ELMO1: variants seen among roughly 807,000 people sequenced by gnomAD.
ELMO1 encodes the protein engulfment and cell motility protein 1.
Under a neutral mutation model 98.9 loss-of-function variants are expected in ELMO1, and 26 were observed. The ratio of observed to expected loss-of-function variants is 0.26; its 90% CI spans 0.19 to 0.36. The LOEUF (loss-of-function observed/expected upper bound fraction) is 0.36, where lower values mean the gene tolerates loss of function less well. Ranked by LOEUF, ELMO1 falls within the 10% of genes least tolerant of loss-of-function variation. The pLI is 1.00. For missense variants in ELMO1, 627 were observed against 935.2 expected (o/e 0.67, Z 4.30); for synonymous variants, 346 against 346.0 (o/e 1.00, Z 0.00).
intron 13 of ELMO1, among the ~76,000 whole-genome samples, chr7:37,195,586 T>C (rs6462738): frequency 0.2 from 29,920 of 152,250 alleles, 3,261 homozygotes; most frequent in Middle Eastern, 0.28. Context: ...CGGGGCTCCC[T>C]GCACTGAGCA....
At chr7:37,309,444 T>G (rs953031283) in intron 4 of ELMO1, among the ~76,000 whole-genome samples, 2 of 152,218 alleles carry the variant, frequency 1.3e-5, no homozygotes, top group Non-Finnish European at 2.9e-5. Flanking sequence ...AGGAACATTT[T>G]TCTCCACCCA....
chr7:37,355,084 C>T (rs1012595845), intron 1 of ELMO1, among the ~76,000 whole-genome samples: 2 of 152,166 alleles, frequency 1.3e-5, no homozygotes, highest in African/African-American at 2.4e-5. Flanking sequence ...TACCATTAGG[C>T]TCTTTCTCCC....
intron 2 of ELMO1, among the ~76,000 whole-genome samples, chr7:37,339,545 T>C: frequency 6.6e-6 from 1 of 152,236 alleles, no homozygotes; most frequent in East Asian, 1.9e-4. Context: ...TGATCTTTAC[T>C]GAACAAGGTA....
intron 19 of ELMO1, among the ~76,000 whole-genome samples, chr7:36,877,003 G>A (rs1804038266): frequency 6.6e-6 from 1 of 152,218 alleles, no homozygotes; most frequent in South Asian, 2.1e-4. Flanking sequence ...ATCTGCCTGA[G>A]ATGTCAGCGC....
intron 17 of ELMO1, among the ~76,000 whole-genome samples, chr7:36,893,513 T>C (rs1805734311): frequency 6.6e-6 from 1 of 152,230 alleles, no homozygotes; most frequent in Non-Finnish European, 1.5e-5. Context: ...TGCCAACTAG[T>C]CTGAAGGGTT....
chr7:37,016,854 G>A (rs534789115), intron 15 of ELMO1, among the ~76,000 whole-genome samples: 2 of 152,332 alleles, frequency 1.3e-5, no homozygotes, highest in South Asian at 4.1e-4. Flanking sequence ...GGTGGTGCTA[G>A]AATTCAAGGT....
intron 2 of ELMO1, among the ~76,000 whole-genome samples, chr7:37,341,246 G>A (rs149326338): frequency 2.1e-3 from 321 of 152,324 alleles, no homozygotes; most frequent in African/African-American, 7.3e-3. Context: ...CTCTCTACAC[G>A]TGTGTGAGAC....
rs575176958 is a variant in ELMO1, at chr7:37,152,950, G to A, written c.1087-19716C>T. Among the ~76,000 whole-genome samples the A allele has an allele frequency of 3.3e-5, 5 of 152,286 alleles. No homozygotes were observed. In the East Asian group the frequency reaches 5.8e-4, roughly 18 times the overall value. On this transcript the variant is annotated intron_variant, in intron 13 of 21. Transcript: ENST00000310758. Reference sequence around the variant, plus strand: ...AGTTATCTCTGCATATGTCTCCAAGGGGTATCTGCCGGAGCGGACACCTAT... The same window carrying A: ...AGTTATCTCTGCATATGTCTCCAAGAGGTATCTGCCGGAGCGGACACCTAT...
At chr7:36,991,416 C>T (rs978771700) in intron 16 of ELMO1, among the ~76,000 whole-genome samples, 3 of 152,188 alleles carry the variant, frequency 2.0e-5, no homozygotes, top group African/African-American at 7.2e-5. Context: ...CCACTACTGG[C>T]TCAGTGAAAC....
intron 16 of ELMO1, among the ~76,000 whole-genome samples, chr7:36,982,652 A>C (rs1791167190): frequency 6.6e-6 from 1 of 152,232 alleles, no homozygotes. Context: ...AAAACCTGTT[A>C]CCATGACCCC....
chr7:36,977,026 A>G (rs1790611859), intron 16 of ELMO1, among the ~76,000 whole-genome samples: 1 of 152,228 alleles, frequency 6.6e-6, no homozygotes, highest in South Asian at 2.1e-4. Context: ...ACCGGATAAT[A>G]AGCTAACTCT....
intron 2 of ELMO1, among the ~76,000 whole-genome samples, chr7:37,319,852 A>G (rs1485420850): frequency 6.6e-6 from 1 of 152,162 alleles, no homozygotes; most frequent in African/African-American, 2.4e-5. Flanking sequence ...CCTGCAGATA[A>G]GTCTCCACAT....
At chr7:36,894,105 C>T (rs372276638) in intron 17 of ELMO1, among the ~76,000 whole-genome samples, 138 of 152,160 alleles carry the variant, frequency 9.1e-4, no homozygotes, top group African/African-American at 2.7e-3. Flanking sequence ...TTAAAATATA[C>T]GGGTAACAAA....
At chr7:37,008,498 T>C (rs996095124) in intron 16 of ELMO1, among the ~76,000 whole-genome samples, 3 of 152,134 alleles carry the variant, frequency 2.0e-5, no homozygotes, top group African/African-American at 7.2e-5. Flanking sequence ...TTTTTTAACA[T>C]AGCCAAAAAA....
At chr7:37,426,123 T>C (rs758612914) in intron 1 of ELMO1, among the ~76,000 whole-genome samples, 9 of 146,118 alleles carry the variant, frequency 6.2e-5, no homozygotes, top group Non-Finnish European at 1.2e-4. Context: ...TCTCTCTCTC[T>C]CTCCCTCTTT....
intron 6 of ELMO1, 147 bp downstream of exon 6, chr7:37,259,034 C>T (rs1795840930): frequency 7.9e-6 from 7 of 881,090 alleles, no homozygotes; most frequent in Admixed American, 3.7e-5. Flanking sequence ...CCCACTGCCT[C>T]GCCACTATCT....
At chr7:37,286,472 T>A (rs1480373655) in intron 4 of ELMO1, among the ~76,000 whole-genome samples, 1 of 152,210 alleles carries the variant, frequency 6.6e-6, no homozygotes, top group Non-Finnish European at 1.5e-5. Context: ...GGGGCCTCCC[T>A]TTCTGCAGTG....
At chr7:37,169,207 G>A (rs995783406) in intron 13 of ELMO1, among the ~76,000 whole-genome samples, 14 of 152,176 alleles carry the variant, frequency 9.2e-5, no homozygotes, top group African/African-American at 2.4e-4. Context: ...CGCAGTATTC[G>A]GGTGGGAATG....
In ELMO1 at chr7:36,870,906, C is replaced by T. The variant is rs534609058; in HGVS notation, c.1823-431G>A. On this transcript the variant is annotated intron_variant, in intron 19 of 21. Transcript: ENST00000310758. The surrounding 1 kb of genome is among the most constrained non-coding windows in gnomAD (Gnocchi z 4.4). ...TTACATATATCAGTGTCTCTTGTTA[C>T]AGCATTTGCATCTATTTAGTTTCTG... 3.9e-5 allele frequency among the ~76,000 whole-genome samples: 6 copies of T among 152,332 alleles called. 1 individual carries two copies. In the East Asian group the frequency reaches 9.6e-4, roughly 24 times the overall value.
Sources: gnomAD v4.1 joint callset for allele counts (sites outside exome capture counted in the v4.1 genomes callset) on GRCh38, gnomAD v4.1.1 for gene constraint, Gnocchi (gnomAD v3.1) non-coding constraint, MANE v1.5 for transcripts, NCBI Gene and HGNC (gene_info 2026-07-23, HGNC 2026-07-21) for gene names.